The following RPS6KA2 variants were observed in gnomAD, a reference collection of about 807,000 sequenced individuals.
The protein encoded by RPS6KA2 is ribosomal protein S6 kinase A2, also known as ribosomal protein S6 kinase alpha-2.
In RPS6KA2, 42 loss-of-function variants were observed where a neutral mutation model predicts 91.8. The ratio of observed to expected loss-of-function variants is 0.46; its 90% CI spans 0.36 to 0.59. RPS6KA2 has a LOEUF of 0.59. Ranked by LOEUF, RPS6KA2 falls within the 20% of genes least tolerant of loss-of-function variation. The pLI is 0.00. For synonymous variants in RPS6KA2, 414 were observed against 393.6 expected, an observed-to-expected ratio of 1.05 and a Z score of -0.61; for missense variants, 798 against 978.5, an observed-to-expected ratio of 0.82 and a Z score of 2.46.
At chr6:166,481,896 A>C (rs898111191) in intron 10 of RPS6KA2, among the ~76,000 whole-genome samples, 1 of 150,138 alleles carries the variant, frequency 6.7e-6, no homozygotes, top group African/African-American at 2.5e-5. Context: ...AAGATGGTAG[A>C]CTGTATGTAT....
At chr6:166,744,401 G>A (rs1790917357) in intron 2 of RPS6KA2, among the ~76,000 whole-genome samples, 1 of 152,158 alleles carries the variant, frequency 6.6e-6, no homozygotes, top group African/African-American at 2.4e-5. Context: ...GGGAGTCGGA[G>A]GGGAATGGGA....
At chr6:166,837,577 C>G (rs1360609513) in intron 2 of RPS6KA2, among the ~76,000 whole-genome samples, 1 of 152,222 alleles carries the variant, frequency 6.6e-6, no homozygotes, top group Non-Finnish European at 1.5e-5. Context: ...GCAGAGGACA[C>G]TGGAGTGAGG....
intron 10 of RPS6KA2, among the ~76,000 whole-genome samples, chr6:166,474,212 C>T (rs1780878613): frequency 6.6e-6 from 1 of 152,120 alleles, no homozygotes; most frequent in African/African-American, 2.4e-5. Flanking sequence ...CCAGCAATGC[C>T]AGTAGAAACT....
rs189473087 is a variant in RPS6KA2 at position 166,435,815 on chromosome 6, G to C, written c.1333-3325C>G. ...GGTACTTGAATGTGGGTGTCTGCAG[G>C]CTCAGCTCCCGTGGAGGGCTGGAAA... On this transcript the variant is annotated intron_variant, in intron 14 of 20. Coordinates refer to ENST00000265678, the MANE Select transcript of RPS6KA2 (RefSeq NM_021135.6). This position sits in a 1 kb window ranked among gnomAD's most constrained non-coding sequence, Gnocchi z 4.3. Among the ~76,000 whole-genome samples the C allele has an allele frequency of 8.5e-4, 130 of 152,352 alleles. No individual in the cohort carries two copies. The highest frequency in any genetic ancestry group is 3.0e-3 in the African/African-American group (126 of 41,578).
intron 2 of RPS6KA2, among the ~76,000 whole-genome samples, chr6:166,667,468 T>G (rs1209584697): frequency 6.6e-6 from 1 of 152,252 alleles, no homozygotes; most frequent in Non-Finnish European, 1.5e-5. Flanking sequence ...TCAAAACACC[T>G]GTTGATACCT....
chr6:166,730,336 G>A (rs1357067516), intron 2 of RPS6KA2, among the ~76,000 whole-genome samples: 1 of 151,986 alleles, frequency 6.6e-6, no homozygotes, highest in Non-Finnish European at 1.5e-5. Flanking sequence ...TTATGAGTAT[G>A]TTATTGATAT....
At chr6:166,463,535 G>A (rs1050595925) in intron 11 of RPS6KA2, 11 of 152,146 alleles carry the variant, frequency 7.2e-5, no homozygotes, top group African/African-American at 2.7e-4. Context: ...GGAAACAAGC[G>A]CACGTGAGGA....
At chr6:166,672,527 T>C (rs1428845498) in intron 2 of RPS6KA2, among the ~76,000 whole-genome samples, 2 of 152,252 alleles carry the variant, frequency 1.3e-5, no homozygotes, top group African/African-American at 4.8e-5. Context: ...CATCGCTTTA[T>C]TTGCAGGCAG....
At chr6:166,525,710 C>A (rs11968034) in intron 3 of RPS6KA2, among the ~76,000 whole-genome samples, 8,252 of 152,288 alleles carry the variant, frequency 0.054, 704 homozygotes, top group African/African-American at 0.18. Context: ...TATTCACATG[C>A]CTGGCATCTT....
chr6:166,679,040 A>T (rs1788702258), intron 2 of RPS6KA2, among the ~76,000 whole-genome samples: 1 of 152,238 alleles, frequency 6.6e-6, no homozygotes, highest in Non-Finnish European at 1.5e-5. Flanking sequence ...TTCACGTTAC[A>T]AAACCTGGTT....
At chr6:166,642,871 T>C (rs568514439) in intron 2 of RPS6KA2, among the ~76,000 whole-genome samples, 17 of 152,358 alleles carry the variant, frequency 1.1e-4, no homozygotes, top group African/African-American at 3.4e-4. Context: ...CCCAGGCCAT[T>C]GCTCAGTGTC....
intron 2 of RPS6KA2, among the ~76,000 whole-genome samples, chr6:166,632,973 G>C (rs192299438): frequency 6.6e-6 from 1 of 152,226 alleles, no homozygotes; most frequent in African/African-American, 2.4e-5. Flanking sequence ...CCAGCATTTC[G>C]GGAGGCCGAG....
intron 2 of RPS6KA2, among the ~76,000 whole-genome samples, chr6:166,761,088 G>A (rs1350672363): frequency 1.3e-5 from 2 of 152,202 alleles, no homozygotes; most frequent in African/African-American, 2.4e-5. Context: ...TTCTGAGACC[G>A]AGTCTTGCTC....
chr6:166,687,070 C>T (rs544212873), intron 2 of RPS6KA2, among the ~76,000 whole-genome samples: 4 of 152,328 alleles, frequency 2.6e-5, no homozygotes, highest in Admixed American at 6.5e-5. Flanking sequence ...CCTGCCTTCA[C>T]GGACACCTGC....
intron 1 of RPS6KA2, among the ~76,000 whole-genome samples, chr6:166,566,291 G>C (rs1034646868): frequency 1.3e-5 from 2 of 152,208 alleles, no homozygotes; most frequent in Admixed American, 1.3e-4. Context: ...GCCAGAACAT[G>C]CCTGGAAATC....
chr6:166,559,672 T>TA (rs1784282486), intron 1 of RPS6KA2, among the ~76,000 whole-genome samples: 1 of 152,194 alleles, frequency 6.6e-6, no homozygotes, highest in Non-Finnish European at 1.5e-5. Context: ...GGTCTGGCCT[T>TA]AGAGTTTCAC....
At chr6:166,422,716 G>C (rs1554270645) in intron 17 of RPS6KA2, among the ~76,000 whole-genome samples, 1 of 152,206 alleles carries the variant, frequency 6.6e-6, no homozygotes. Flanking sequence ...GCTGGGAGCA[G>C]ACACAGACAC....
intron 1 of RPS6KA2, among the ~76,000 whole-genome samples, chr6:166,575,844 GA>G (rs201976156): frequency 1.3e-5 from 2 of 151,442 alleles, no homozygotes; most frequent in African/African-American, 4.8e-5. Context: ...CATTTCACAT[GA>G]AAAAAAAATT....
Position 166,498,641 on chromosome 6 carries a change from A to G in RPS6KA2, c.614T>C (p.Leu205Pro). Reference sequence around the variant, plus strand: ...GTCGTGGTCAATGGCCTCCTTACTCAGGCCGAAATCTACATGCAAACACAG... The same window carrying G: ...GTCGTGGTCAATGGCCTCCTTACTCGGGCCGAAATCTACATGCAAACACAG... ...EGHIKITDFG[L>P]SKEAIDHDKR... is the part of the protein sequence containing the mutation. Residue 205 changes from leucine (L) to proline (P), a missense_variant, in exon 8 of 21, where the codon CTG becomes CCG. Physicochemically the swap from Leu to Pro is moderately conservative, Grantham distance 98. Transcript: ENST00000265678. The G allele has an allele frequency of 6.2e-7, 1 of 1,612,972 alleles. No homozygotes were observed. The highest frequency in any genetic ancestry group is 8.5e-7 in the Non-Finnish European group (1 of 1,179,646).
Sources: gnomAD v4.1 joint callset for allele counts (sites outside exome capture counted in the v4.1 genomes callset) on GRCh38, gnomAD v4.1.1 for gene constraint, Gnocchi (gnomAD v3.1) non-coding constraint, MANE v1.5 for transcripts, NCBI Gene and HGNC (gene_info 2026-07-23, HGNC 2026-07-21) for gene names.